The following SLC4A10 variants were observed in gnomAD, a reference collection of about 807,000 sequenced individuals.
SLC4A10 encodes solute carrier family 4 member 10.
Under a neutral mutation model 137.7 loss-of-function variants are expected in SLC4A10, and 42 were observed. The observed-to-expected ratio is 0.30, with a 90% CI of 0.24 to 0.39. The LOEUF (loss-of-function observed/expected upper bound fraction) is 0.39. SLC4A10 is among the 10% of genes least tolerant of loss of function. The pLI is 1.00. For synonymous variants in SLC4A10, 474 were observed against 464.1 expected (o/e 1.02, Z -0.27); for missense variants, 925 against 1,355.0 (o/e 0.68, Z 4.98).
intron 8 of SLC4A10, among the ~76,000 whole-genome samples, chr2:161,876,441 G>T (rs1364624010): frequency 6.6e-6 from 1 of 152,096 alleles, no homozygotes; most frequent in African/African-American, 2.4e-5. Context: ...CATTTTGAGA[G>T]GCCAAGTCAG....
At chr2:161,767,512 C>T (rs1436094088) in intron 1 of SLC4A10, among the ~76,000 whole-genome samples, 1 of 151,608 alleles carries the variant, frequency 6.6e-6, no homozygotes, top group Non-Finnish European at 1.5e-5. Context: ...TAAGTGGAAA[C>T]AGATTGTTAA....
chr2:161,629,152 T>TA lies in SLC4A10; in HGVS notation c.48+4587dup, dbSNP rs1573969813. On this transcript the variant is annotated intron_variant, in intron 1 of 26. Coordinates refer to ENST00000446997, the MANE Select transcript of SLC4A10 (RefSeq NM_001178015.2). ...TCAACTCTTCCTTTCCCATATCACA[T>TA]AGGACACATGACAATGATCATTTGA... Among the ~76,000 whole-genome samples the TA allele has an allele frequency of 4.6e-5, 7 of 152,062 alleles. No homozygotes were observed. The South Asian group carries it at 1.5e-3, about 32-fold the overall frequency.
At chr2:161,636,154 T>C (rs1414823833) in intron 1 of SLC4A10, among the ~76,000 whole-genome samples, 3 of 151,964 alleles carry the variant, frequency 2.0e-5, no homozygotes, top group African/African-American at 7.2e-5. Flanking sequence ...TTGGTGCAAA[T>C]TTTTTTTGAA....
rs763798251 is a variant in SLC4A10 at position 161,872,328 on chromosome 2, T to C, written c.802T>C (p.Cys268Arg). 6.2e-7 allele frequency: 1 copy of C among 1,613,596 alleles called. No homozygotes were observed. Among genetic ancestry groups the C allele is most frequent in the African/African-American group, 1.3e-5 (1 of 74,916 alleles). The part of the protein sequence containing the change: ...QVVSPQSAPA[C>R]VENKNDVSRE... ...TGTTTCTCCTCAGTCTGCTCCAGCC[T>C]GTGTTGAAAATAAAAATGATGTTAG... Residue 268 changes from cysteine (C) to arginine (R), a missense_variant, in exon 7 of 27, where the codon TGT becomes CGT. Coordinates refer to ENST00000446997, the MANE Select transcript of SLC4A10 (RefSeq NM_001178015.2).
At chr2:161,773,310 C>T (rs1010461141) in intron 2 of SLC4A10, among the ~76,000 whole-genome samples, 15 of 151,790 alleles carry the variant, frequency 9.9e-5, no homozygotes, top group African/African-American at 3.6e-4. Context: ...AAATACTTCC[C>T]ATTGGGCCCC....
At position 161,858,329 on chromosome 2, in the gene SLC4A10, A is replaced by C. The variant is rs1404433498; in HGVS notation, c.577+3199A>C. On this transcript the variant is annotated intron_variant, in intron 5 of 26. Transcript: ENST00000446997. ...TATATCAATGTTTTGATATGTTTTT[A>C]ACAGACTCGGATAATTCCTTAAGAG... 4.6e-5 allele frequency among the ~76,000 whole-genome samples: 7 copies of C among 152,076 alleles called. 1 individual carries two copies. Among genetic ancestry groups the C allele is most frequent in the Non-Finnish European group, 7.4e-5 (5 of 68,022 alleles).
At chr2:161,703,473 G>T (rs927520228) in intron 1 of SLC4A10, among the ~76,000 whole-genome samples, 1 of 151,500 alleles carries the variant, frequency 6.6e-6, no homozygotes, top group Non-Finnish European at 1.5e-5. Context: ...ATCAATAATG[G>T]TTATCTCTGT....
At chr2:161,905,961 G>A in intron 15 of SLC4A10, 74 bp downstream of exon 15, 1 of 1,496,526 alleles carries the variant, frequency 6.7e-7, no homozygotes, top group Non-Finnish European at 8.9e-7. Context: ...AGAAATATGA[G>A]GAAATTACTC....
chr2:161,896,380 T>A (rs1403218582), intron 11 of SLC4A10, among the ~76,000 whole-genome samples: 1 of 152,074 alleles, frequency 6.6e-6, no homozygotes, highest in Non-Finnish European at 1.5e-5. Context: ...TGGCTTAGGA[T>A]TGACTTGGTG....
intron 1 of SLC4A10, among the ~76,000 whole-genome samples, chr2:161,750,064 A>C (rs1044351181): frequency 1.3e-5 from 2 of 151,572 alleles, no homozygotes; most frequent in Non-Finnish European, 3.0e-5. Context: ...GTCACTTGTG[A>C]TCCTTTTTAT....
At chr2:161,958,690 G>T in intron 21 of SLC4A10, 135 bp downstream of exon 21, 1 of 573,310 alleles carries the variant, frequency 1.7e-6, no homozygotes, top group South Asian at 2.7e-5. Context: ...CTTCAAACTT[G>T]TCAGAGTTAC....
chr2:161,905,779 C>A lies in SLC4A10; in HGVS notation c.1889C>A (p.Ser630Tyr). The change falls in exon 15 of 27, where the codon TCC becomes TAC. Residue 630 changes from serine to tyrosine, a missense_variant. By Grantham distance (144) the Ser-to-Tyr change is moderately radical. Transcript: ENST00000446997. ...CGGTTTACTGAAGAAGCTTTTGCTT[C>A]CCTGATTTGCATCATTTTCATTTAT... The part of the protein sequence containing the change: ...ITRFTEEAFA[S>Y]LICIIFIYEA... 6.2e-7 allele frequency: 1 copy of A among 1,613,980 alleles called. No individual in the cohort carries two copies. Among genetic ancestry groups the A allele is most frequent in the Non-Finnish European group, 8.5e-7 (1 of 1,179,886 alleles).
At chr2:161,748,845 G>A (rs1373772806) in intron 1 of SLC4A10, among the ~76,000 whole-genome samples, 1 of 151,940 alleles carries the variant, frequency 6.6e-6, no homozygotes, top group Admixed American at 6.6e-5. Flanking sequence ...TAGGGGTTGT[G>A]TTGAATCTGT....
chr2:161,892,217 G>A (rs1227842484), intron 10 of SLC4A10, among the ~76,000 whole-genome samples: 2 of 151,924 alleles, frequency 1.3e-5, no homozygotes, highest in African/African-American at 2.4e-5. Context: ...ATGTGATCTC[G>A]CAAAGCAGTT....
At chr2:161,944,534 G>C (rs1020676129) in intron 16 of SLC4A10, among the ~76,000 whole-genome samples, 2 of 151,728 alleles carry the variant, frequency 1.3e-5, no homozygotes, top group Admixed American at 6.6e-5. Flanking sequence ...AGGTCAAGTA[G>C]AATAGTGAAA....
chr2:161,965,043 T>G lies in SLC4A10; in HGVS notation c.3037-8T>G. The G allele has an allele frequency of 1.9e-6, 3 of 1,607,870 alleles. No individual in the cohort carries two copies. The highest frequency in any genetic ancestry group is 2.5e-6 in the Non-Finnish European group (3 of 1,176,892). On this transcript the variant is annotated splice_polypyrimidine_tract_variant and splice_region_variant and intron_variant, in intron 22 of 26. Transcript: ENST00000446997. The stretch of plus-strand genomic sequence containing the variant: ...TTCCACTTTAAACTAGTTTATTATT[T>G]ACTTCAGGTGTTAGCCCTGGTATTT...
At chr2:161,937,764 G>A (rs1193971468) in intron 15 of SLC4A10, among the ~76,000 whole-genome samples, 3 of 152,106 alleles carry the variant, frequency 2.0e-5, no homozygotes, top group African/African-American at 4.8e-5. Flanking sequence ...AGATGCCTAA[G>A]CTTTCAATGT....
At chr2:161,855,254 C>A in intron 5 of SLC4A10, 124 bp downstream of exon 5, 1 of 822,776 alleles carries the variant, frequency 1.2e-6, no homozygotes, top group Non-Finnish European at 1.7e-6. Flanking sequence ...TGCATAAGGT[C>A]TTAAAAGTCA....
intron 19 of SLC4A10, among the ~76,000 whole-genome samples, chr2:161,952,508 T>A (rs1694973729): frequency 6.6e-6 from 1 of 152,232 alleles, no homozygotes; most frequent in South Asian, 2.1e-4. Context: ...TGAGGCTACA[T>A]TACTAAATCT....
Sources: gnomAD v4.1 joint callset for allele counts (sites outside exome capture counted in the v4.1 genomes callset) on GRCh38, gnomAD v4.1.1 for gene constraint, MANE v1.5 for transcripts, NCBI Gene and HGNC (gene_info 2026-07-23, HGNC 2026-07-21) for gene names.